Variants in CWC27 observed in about 807,000 individuals in gnomAD.
CWC27 encodes spliceosome-associated protein CWC27 homolog.
CWC27 carries 47 observed loss-of-function variants against 63.6 expected under a neutral mutation model. The observed-to-expected ratio is 0.74, with a 90% CI of 0.58 to 0.94. CWC27 has a LOEUF of 0.94. Ranked by LOEUF, CWC27 falls within the 40% of genes least tolerant of loss-of-function variation. The pLI is 0.00. For missense variants in CWC27, 495 were observed against 554.3 expected (o/e 0.89, Z 1.07); for synonymous variants, 175 against 179.8 (o/e 0.97, Z 0.22).
intron 11 of CWC27, among the ~76,000 whole-genome samples, chr5:64,960,134 G>A (rs1748880278): frequency 6.6e-6 from 1 of 151,710 alleles, no homozygotes; most frequent in African/African-American, 2.4e-5. Flanking sequence ...TTTTTTTGAA[G>A]GATTTTATTT....
At chr5:64,769,258 G>A (rs1580567421) in intron 1 of CWC27, 70 bp downstream of exon 1, 5 of 1,430,648 alleles carry the variant, frequency 3.5e-6, no homozygotes, top group Non-Finnish European at 4.9e-6. Flanking sequence ...TTTGGGGTGG[G>A]GAGTGGGTTT....
intron 11 of CWC27, among the ~76,000 whole-genome samples, chr5:64,953,857 G>A (rs575957646): frequency 1.3e-3 from 196 of 152,186 alleles, no homozygotes; most frequent in African/African-American, 4.5e-3. Context: ...GCCTAACATG[G>A]CACTTGATGA....
chr5:64,916,885 TTAGTAGTAGTAGTAGTAGTAG>T (rs56214406), intron 11 of CWC27, among the ~76,000 whole-genome samples: 3 of 144,020 alleles, frequency 2.1e-5, no homozygotes, highest in Admixed American at 6.9e-5. Context: ...AGTAGTAGTA[TTAGTAGTAGTAGTAGTAGTAG>T]TAGTAGTAGT....
intron 11 of CWC27, among the ~76,000 whole-genome samples, chr5:64,912,873 C>T (rs568748405): frequency 6.6e-6 from 1 of 152,224 alleles, no homozygotes; most frequent in African/African-American, 2.4e-5. Context: ...CTTACAGAAA[C>T]TCATCCAGAG....
chr5:65,018,370 C>A lies in CWC27; in HGVS notation c.*49C>A. On this transcript the variant is annotated 3_prime_UTR_variant, in exon 14 of 14. Transcript: ENST00000381070. ...CTTGCTGGAAATGTGCCTACAATGGCCTTGTAACAGCCATTGTTCCCAACA... is the reference window on the plus strand; with the variant it reads ...CTTGCTGGAAATGTGCCTACAATGGACTTGTAACAGCCATTGTTCCCAACA... 1 of 1,481,044 alleles carries A rather than the reference C, an allele frequency of 6.8e-7. No homozygotes were observed. Among genetic ancestry groups the A allele is most frequent in the South Asian group, 1.3e-5 (1 of 74,882 alleles). The allele number at this position is 1,481,044 out of a possible 1,614,324, so 91.7% of individuals were successfully genotyped here. A position where few individuals can be genotyped will look rare whatever the true frequency, so the allele number is the denominator to read the frequency against.
chr5:64,970,441 T>G (rs573862592), intron 11 of CWC27, among the ~76,000 whole-genome samples: 2 of 152,098 alleles, frequency 1.3e-5, no homozygotes, highest in African/African-American at 4.8e-5. Context: ...CTCGATCTTC[T>G]GACCTCGTGA....
intron 11 of CWC27, among the ~76,000 whole-genome samples, chr5:64,967,139 C>G (rs1397195412): frequency 6.6e-6 from 1 of 151,892 alleles, no homozygotes; most frequent in East Asian, 1.9e-4. Flanking sequence ...TACAATTACC[C>G]ATATTTGTTT....
At chr5:64,958,129 A>T (rs1748836727) in intron 11 of CWC27, among the ~76,000 whole-genome samples, 1 of 152,114 alleles carries the variant, frequency 6.6e-6, no homozygotes, top group Non-Finnish European at 1.5e-5. Flanking sequence ...AAGGGAAAAT[A>T]GCAAAAGTAA....
chr5:64,789,128 G>T (rs1014034429), intron 7 of CWC27, 108 bp downstream of exon 7: 5 of 617,556 alleles, frequency 8.1e-6, no homozygotes, highest in Admixed American at 3.2e-5. Flanking sequence ...TTTACATGGG[G>T]CAGGCTCAGT....
At chr5:64,907,828 A>G (rs1389461623) in intron 11 of CWC27, among the ~76,000 whole-genome samples, 1 of 151,374 alleles carries the variant, frequency 6.6e-6, no homozygotes, top group Non-Finnish European at 1.5e-5. Context: ...ATTTTGAAAT[A>G]TGTCCCAGCT....
intron 10 of CWC27, among the ~76,000 whole-genome samples, chr5:64,810,048 T>G (rs1744823100): frequency 6.6e-6 from 1 of 152,158 alleles, no homozygotes; most frequent in African/African-American, 2.4e-5. Context: ...CCGTAAGTCT[T>G]TTATCCATTT....
At chr5:64,842,695 G>A (rs1238745968) in intron 10 of CWC27, among the ~76,000 whole-genome samples, 1 of 151,998 alleles carries the variant, frequency 6.6e-6, no homozygotes, top group East Asian at 1.9e-4. Context: ...CGCTTCCCAG[G>A]CTCAAGCAAT....
intron 10 of CWC27, chr5:64,845,052 C>G (rs1019725574): frequency 6.6e-6 from 3 of 456,384 alleles, no homozygotes; most frequent in African/African-American, 6.0e-5. Context: ...CAGTTTCTAG[C>G]CATTAACTCT....
At chr5:64,934,391 T>C (rs1339028660) in intron 11 of CWC27, among the ~76,000 whole-genome samples, 2 of 152,222 alleles carry the variant, frequency 1.3e-5, no homozygotes, top group East Asian at 1.9e-4. Flanking sequence ...CTGAGAATTA[T>C]GGTTTCCAGC....
At chr5:65,010,583 A>G (rs776753665) in intron 13 of CWC27, among the ~76,000 whole-genome samples, 7 of 152,216 alleles carry the variant, frequency 4.6e-5, no homozygotes, top group African/African-American at 7.2e-5. Flanking sequence ...CACAGTACAG[A>G]GACAAATTTT....
intron 11 of CWC27, among the ~76,000 whole-genome samples, chr5:64,940,687 T>C (rs1370121448): frequency 1.3e-5 from 2 of 152,170 alleles, no homozygotes; most frequent in Non-Finnish European, 2.9e-5. Flanking sequence ...GTTCTCCATT[T>C]ATTTATTATG....
chr5:64,929,302 A>G (rs1417320017), intron 11 of CWC27, among the ~76,000 whole-genome samples: 1 of 152,130 alleles, frequency 6.6e-6, no homozygotes, highest in Non-Finnish European at 1.5e-5. Flanking sequence ...TCTGAAAGGA[A>G]CCAGGGTAAT....
chr5:64,870,924 A>G (rs547566556), intron 10 of CWC27, among the ~76,000 whole-genome samples: 1 of 152,246 alleles, frequency 6.6e-6, no homozygotes, highest in Non-Finnish European at 1.5e-5. Context: ...CACCCATTAC[A>G]TTCTTCTTTT....
At chr5:64,993,486 G>GT (rs1391141944) in intron 13 of CWC27, among the ~76,000 whole-genome samples, 1 of 150,302 alleles carries the variant, frequency 6.7e-6, no homozygotes, top group Non-Finnish European at 1.5e-5. Flanking sequence ...GTGTAGCCCT[G>GT]TTTAAAAAAA....
Sources: gnomAD v4.1 joint callset for allele counts (sites outside exome capture counted in the v4.1 genomes callset) on GRCh38, gnomAD v4.1.1 for gene constraint, MANE v1.5 for transcripts, NCBI Gene and HGNC (gene_info 2026-07-23, HGNC 2026-07-21) for gene names.